The following ST6GALNAC3 variants were observed in gnomAD, a reference collection of about 807,000 sequenced individuals.
ST6GALNAC3 encodes alpha-N-acetylgalactosaminide alpha-2,6-sialyltransferase 3.
In ST6GALNAC3, 25 loss-of-function variants were observed where a neutral mutation model predicts 32.7. The ratio of observed to expected loss-of-function variants is 0.76; its 90% CI spans 0.56 to 1.07. The LOEUF (loss-of-function observed/expected upper bound fraction) is 1.07, where lower values mean the gene tolerates loss of function less well. Among genes scored for constraint, ST6GALNAC3 ranks in the 50% least tolerant of loss-of-function variants. ST6GALNAC3 has a pLI of 0.00. For synonymous variants in ST6GALNAC3, 129 were observed against 133.1 expected (o/e 0.97, Z 0.21); for missense variants, 355 against 382.4 (o/e 0.93, Z 0.60).
chr1:76,636,482 A>T (rs1253257977), downstream of ST6GALNAC3, among the ~76,000 whole-genome samples: 1 of 152,150 alleles, frequency 6.6e-6, no homozygotes, highest in East Asian at 1.9e-4. Context: ...AAATTTAGGA[A>T]TTTCTCTCAT....
chr1:76,275,796 C>G (rs750753661), intron 1 of ST6GALNAC3, among the ~76,000 whole-genome samples: 25 of 152,074 alleles, frequency 1.6e-4, no homozygotes, highest in Non-Finnish European at 8.8e-5. Context: ...CTTGTATATA[C>G]TTGTATTGTC....
chr1:76,370,990 T>G (rs1187875888), intron 2 of ST6GALNAC3, among the ~76,000 whole-genome samples: 1 of 152,162 alleles, frequency 6.6e-6, no homozygotes, highest in East Asian at 1.9e-4. Flanking sequence ...GACACAAGTT[T>G]TTTATTTCAT....
chr1:76,118,079 A>G (rs1274919643), intron 1 of ST6GALNAC3, among the ~76,000 whole-genome samples: 1 of 152,112 alleles, frequency 6.6e-6, no homozygotes, highest in Non-Finnish European at 1.5e-5. Context: ...CTGTCAGCCC[A>G]TCATCTAGGT....
chr1:76,635,007 A>G (rs150124486), downstream of ST6GALNAC3, among the ~76,000 whole-genome samples: 2,273 of 152,336 alleles, frequency 0.015, 32 homozygotes, highest in Middle Eastern at 0.027. Flanking sequence ...AAACATATCC[A>G]GAATACTACT....
At position 76,582,187 on chromosome 1, in the gene ST6GALNAC3, G is replaced by A. The variant is rs1392923827; in HGVS notation, c.624-45265G>A. ...TGACGTGCAGATGAATGATGGTGCC[G>A]TAGACAATTAGGATATTAGATTTTA... On this transcript the variant is annotated intron_variant, in intron 3 of 4. Coordinates refer to ENST00000328299, the MANE Select transcript of ST6GALNAC3 (RefSeq NM_152996.4). Among the ~76,000 whole-genome samples, 6 of 152,266 alleles carry A rather than the reference G, an allele frequency of 3.9e-5. No individual in the cohort carries two copies. In the South Asian group the frequency reaches 6.2e-4, roughly 16 times the overall value.
chr1:76,368,726 A>G (rs1046360813), intron 2 of ST6GALNAC3, among the ~76,000 whole-genome samples: 3 of 152,214 alleles, frequency 2.0e-5, no homozygotes, highest in African/African-American at 7.2e-5. Context: ...CTAGCAGGTG[A>G]AATTATTTAT....
At chr1:76,151,482 T>C (rs1651039361) in intron 1 of ST6GALNAC3, among the ~76,000 whole-genome samples, 1 of 152,134 alleles carries the variant, frequency 6.6e-6, no homozygotes, top group Non-Finnish European at 1.5e-5. Flanking sequence ...CCAGTGTACA[T>C]AGTTTATGTG....
chr1:76,336,096 C>G (rs1325290), intron 2 of ST6GALNAC3, among the ~76,000 whole-genome samples: 8,135 of 152,186 alleles, frequency 0.053, 377 homozygotes, highest in East Asian at 0.24. Flanking sequence ...GATTAAAATG[C>G]ACAGCAGGCT....
intron 2 of ST6GALNAC3, among the ~76,000 whole-genome samples, chr1:76,382,783 T>A (rs1015307935): frequency 6.6e-6 from 1 of 152,328 alleles, no homozygotes; most frequent in African/African-American, 2.4e-5. Context: ...AACATTGGTA[T>A]AACATAAGTA....
chr1:76,193,865 T>TAG (rs1188093457), intron 1 of ST6GALNAC3, among the ~76,000 whole-genome samples: 8 of 152,156 alleles, frequency 5.3e-5, no homozygotes, highest in Admixed American at 3.3e-4. Context: ...CCTCACGTGG[T>TAG]AGAGAGAGAG....
chr1:76,123,843 A>C (rs1414095625), intron 1 of ST6GALNAC3, among the ~76,000 whole-genome samples: 1 of 129,512 alleles, frequency 7.7e-6, no homozygotes, highest in African/African-American at 3.0e-5. Context: ...TCCACCTCCC[A>C]GGTTCAAGCA....
chr1:76,452,273 A>G (rs1029462684), intron 3 of ST6GALNAC3, among the ~76,000 whole-genome samples: 2 of 152,020 alleles, frequency 1.3e-5, no homozygotes, highest in African/African-American at 4.8e-5. Context: ...CCATCCACGT[A>G]AGATGTGACT....
chr1:76,589,715 T>A (rs986983624), intron 3 of ST6GALNAC3, among the ~76,000 whole-genome samples: 1 of 151,560 alleles, frequency 6.6e-6, no homozygotes, highest in African/African-American at 2.4e-5. Flanking sequence ...GGAATAGAAA[T>A]ACTGACTTGT....
intron 1 of ST6GALNAC3, among the ~76,000 whole-genome samples, chr1:76,098,161 C>T (rs1320588777): frequency 1.3e-5 from 2 of 152,116 alleles, no homozygotes; most frequent in Non-Finnish European, 2.9e-5. Flanking sequence ...TGCATTTCCA[C>T]CATACATATT....
At chr1:76,311,218 A>C (rs952683318) in intron 1 of ST6GALNAC3, among the ~76,000 whole-genome samples, 1 of 152,002 alleles carries the variant, frequency 6.6e-6, no homozygotes, top group Non-Finnish European at 1.5e-5. Context: ...CCCTGCTCCA[A>C]AGCATCTTAA....
intron 1 of ST6GALNAC3, among the ~76,000 whole-genome samples, chr1:76,250,381 A>C (rs1255706895): frequency 6.6e-5 from 10 of 152,178 alleles, no homozygotes. Flanking sequence ...CACTGCAGCA[A>C]TTGCTTTAAT....
intron 1 of ST6GALNAC3, among the ~76,000 whole-genome samples, chr1:76,149,336 A>G (rs1025305946): frequency 2.6e-5 from 4 of 152,200 alleles, no homozygotes; most frequent in Non-Finnish European, 5.9e-5. Flanking sequence ...AGAAGGCTCA[A>G]ACATGAGGTT....
intron 3 of ST6GALNAC3, among the ~76,000 whole-genome samples, chr1:76,489,856 T>C (rs1188014667): frequency 1.3e-5 from 2 of 152,178 alleles, no homozygotes; most frequent in African/African-American, 4.8e-5. Context: ...TGGCGTATAG[T>C]TCCAGTTGTA....
chr1:76,402,038 A>AT (rs10665444), intron 2 of ST6GALNAC3, among the ~76,000 whole-genome samples: 66 of 151,072 alleles, frequency 4.4e-4, no homozygotes, highest in South Asian at 1.5e-3. Context: ...ATGAATTTAT[A>AT]TTTTTTTTTG....
Sources: allele counts gnomAD v4.1 joint callset (sites outside exome capture counted in the v4.1 genomes callset), GRCh38; gene constraint gnomAD v4.1.1; transcripts MANE v1.5; gene names NCBI Gene and HGNC (gene_info 2026-07-23, HGNC 2026-07-21).